Variants in EPB41L1 observed in about 807,000 individuals in gnomAD.
EPB41L1 encodes erythrocyte membrane protein band 4.1 like 1.
A neutral mutation model predicts 97.8 loss-of-function variants in EPB41L1; 29 were observed. The ratio of observed to expected loss-of-function variants is 0.30; its 90% confidence interval spans 0.22 to 0.40. The LOEUF is 0.40. EPB41L1 is among the 10% of genes least tolerant of loss of function. The pLI is 1.00. For synonymous variants in EPB41L1, 383 were observed against 459.2 expected (o/e 0.83, Z 2.12); for missense variants, 812 against 1,162.3 (o/e 0.70, Z 4.38).
chr20:36,218,832 C>T, intron 17 of EPB41L1, 44 bp from the exon 18 acceptor site: 1 of 1,595,860 alleles, frequency 6.3e-7, no homozygotes, highest in African/African-American at 1.3e-5. Flanking sequence ...CCTGGGGGCC[C>T]ACCCGGCTGA....
chr20:36,153,182 G>T (rs1430198862), upstream of EPB41L1: 3 of 440,686 alleles, frequency 6.8e-6, no homozygotes, highest in Admixed American at 4.8e-5. Context: ...AGGGTGCTGA[G>T]GAGAGGGCAT....
rs562902192 is a variant in EPB41L1 at position 36,173,759 on chromosome 20, T to C, written c.-14-5T>C. 2 of 1,614,016 alleles carry C rather than the reference T, an allele frequency of 1.2e-6. No individual in the cohort carries two copies. The highest frequency in any genetic ancestry group is 3.3e-5 in the Admixed American group (2 of 60,030). ...TGTCACATGATCTCCTTCATGCCAA[T>C]GCAGGCGTGCTGGTCACCATGACAA... On this transcript the variant is annotated splice_region_variant and splice_polypyrimidine_tract_variant and intron_variant, in intron 1 of 21. Coordinates refer to ENST00000338074, the MANE Select transcript of EPB41L1 (RefSeq NM_012156.2).
At chr20:36,121,290 A>G (rs1300335593) in intron 2 of EPB41L1, among the ~76,000 whole-genome samples, 1 of 152,204 alleles carries the variant, frequency 6.6e-6, no homozygotes, top group Non-Finnish European at 1.5e-5. Flanking sequence ...GCCCGAAAGC[A>G]GAACTTCATA....
chr20:36,169,456 T>C (rs764602600), intron 1 of EPB41L1, among the ~76,000 whole-genome samples: 5 of 151,762 alleles, frequency 3.3e-5, no homozygotes, highest in Non-Finnish European at 7.4e-5. Flanking sequence ...ACGCTTAGTG[T>C]TGGGATCTCT....
chr20:36,099,917 G>C (rs1042620592), intron 1 of EPB41L1, among the ~76,000 whole-genome samples: 1 of 152,186 alleles, frequency 6.6e-6, no homozygotes, highest in Middle Eastern at 3.2e-3. Context: ...AGAGTGTCCT[G>C]CTGTCAGGAT....
At chr20:36,133,632 G>A (rs192109631) in intron 2 of EPB41L1, among the ~76,000 whole-genome samples, 2 of 152,270 alleles carry the variant, frequency 1.3e-5, no homozygotes, top group Admixed American at 6.5e-5. Context: ...CGATGCAGGC[G>A]TATAGCTTGA....
chr20:36,187,779 TG>T lies in EPB41L1; in HGVS notation c.873+19del. ...CCATGCCAAGGTACCACCAGCTTCC[TG>T]GGTTCCCCTAGTGTCTGGGTGGTGC... On this transcript the variant is annotated intron_variant, in intron 8 of 21. Coordinates refer to ENST00000338074, the MANE Select transcript of EPB41L1 (RefSeq NM_012156.2). 1 of 1,611,564 alleles carries T rather than the reference TG, an allele frequency of 6.2e-7. No homozygotes were observed. The highest frequency in any genetic ancestry group is 1.1e-5 in the South Asian group (1 of 90,620).
rs2058477197 is a variant in EPB41L1 at position 36,113,409 on chromosome 20, TGTGTG to T, written c.-10+930_-10+934del. On this transcript the variant is annotated intron_variant, in intron 2 of 19. Transcript: ENST00000202028. ...TGTACCCCTAGGGAAACTTTCCATT[TGTGTG>T]TGTGTGTGTGTGTGTGTGTGTGTGT... is the stretch of plus-strand genomic sequence containing the variant. Among the ~76,000 whole-genome samples the T allele has an allele frequency of 3.8e-4, 6 of 15,906 alleles. No individual in the cohort carries two copies. In the South Asian group the frequency reaches 0.014, roughly 38 times the overall value. The allele number at this position is 15,906 out of a possible 152,430, so 10.4% of individuals were successfully genotyped here.
At chr20:36,133,114 G>A (rs758133420) in intron 2 of EPB41L1, among the ~76,000 whole-genome samples, 14 of 152,238 alleles carry the variant, frequency 9.2e-5, no homozygotes, top group Non-Finnish European at 1.0e-4. Flanking sequence ...GAGAGGGCCC[G>A]AGCTGTGCCT....
At chr20:36,166,208 C>T (rs1015153960) in intron 1 of EPB41L1, among the ~76,000 whole-genome samples, 22 of 152,178 alleles carry the variant, frequency 1.4e-4, no homozygotes, top group African/African-American at 5.1e-4. Context: ...ATCCATCTAC[C>T]CCTCCATCTG....
chr20:36,150,841 C>T (rs1200452398), upstream of EPB41L1: 1 of 152,260 alleles, frequency 6.6e-6, no homozygotes, highest in Non-Finnish European at 1.5e-5. Context: ...TATTCAATTC[C>T]TCCAGCCTTC....
intron 2 of EPB41L1, among the ~76,000 whole-genome samples, chr20:36,120,714 A>G (rs2058724321): frequency 2.0e-5 from 3 of 152,124 alleles, no homozygotes; most frequent in African/African-American, 4.8e-5. Context: ...GCAAATTTTT[A>G]TTAAAAACTC....
At chr20:36,184,437 T>C (rs1434804213) in intron 6 of EPB41L1, among the ~76,000 whole-genome samples, 1 of 152,166 alleles carries the variant, frequency 6.6e-6, no homozygotes, top group Non-Finnish European at 1.5e-5. Flanking sequence ...AATCATGGCC[T>C]GGTAGTTGGA....
intron 2 of EPB41L1, among the ~76,000 whole-genome samples, chr20:36,139,656 C>T (rs573054485): frequency 1.3e-5 from 2 of 152,188 alleles, no homozygotes; most frequent in Non-Finnish European, 2.9e-5. Flanking sequence ...GATTACAAAG[C>T]CCTTCCCCTC....
intron 7 of EPB41L1, among the ~76,000 whole-genome samples, chr20:36,187,234 G>T (rs2061720027): frequency 6.6e-6 from 1 of 152,206 alleles, no homozygotes; most frequent in Non-Finnish European, 1.5e-5. Context: ...ATGTGCACCT[G>T]TTCCTTAGGA....
rs769465467 is a variant in EPB41L1, at chr20:36,214,365, T to C, written c.2193T>C (p.Asp731=). 3.5e-5 allele frequency: 56 copies of C among 1,613,780 alleles called. 1 individual carries two copies. The Admixed American group carries it at 7.3e-4, about 21-fold the overall frequency. ...VSAMDNTQQV[D]GSASVGREFI... ...ACTCCTCCTCTGGTCAGCAGGTTGA[T>C]GGGAGTGCCTCAGTGGGGAGGGAGT... The change falls in exon 17 of 22, where the codon GAT becomes GAC. Residue 731 remains aspartate (D), a synonymous_variant. Coordinates refer to ENST00000338074, the MANE Select transcript of EPB41L1 (RefSeq NM_012156.2).
chr20:36,113,836 G>A (rs1252387537), intron 2 of EPB41L1: 9 of 152,742 alleles, frequency 5.9e-5, no homozygotes, highest in African/African-American at 1.9e-4. Flanking sequence ...TCCGTTAAGG[G>A]GAGGTTGAGA....
chr20:36,178,583 G>A, intron 4 of EPB41L1, 47 bp from the exon 5 acceptor site: 1 of 1,590,540 alleles, frequency 6.3e-7, no homozygotes, highest in African/African-American at 1.3e-5. Context: ...GCCCAGTCAG[G>A]TCCTTTCCTG....
chr20:36,118,177 AG>A (rs1270068727), intron 2 of EPB41L1, among the ~76,000 whole-genome samples: 1 of 152,184 alleles, frequency 6.6e-6, no homozygotes, highest in African/African-American at 2.4e-5. Flanking sequence ...GCCTTTCCCC[AG>A]GAAAATCTAC....
Sources: allele counts gnomAD v4.1 joint callset (sites outside exome capture counted in the v4.1 genomes callset), GRCh38; gene constraint gnomAD v4.1.1; transcripts MANE v1.5; gene names NCBI Gene and HGNC (gene_info 2026-07-23, HGNC 2026-07-21).